CADM2: variants seen among roughly 807,000 people sequenced by gnomAD.
CADM2 encodes cell adhesion molecule 2, also known as immunoglobulin superfamily member 4D.
CADM2 carries 12 observed loss-of-function variants against 49.8 expected under a neutral mutation model. The ratio of observed to expected loss-of-function variants is 0.24; its 90% CI spans 0.15 to 0.39. The LOEUF (loss-of-function observed/expected upper bound fraction) is 0.39. CADM2 is among the 10% of genes least tolerant of loss of function. CADM2 has a pLI of 1.00. For missense variants in CADM2, 378 were observed against 492.3 expected (o/e 0.77, Z 2.20); for synonymous variants, 214 against 175.4 (o/e 1.22, Z -1.74).
At chr3:85,024,020 G>T (rs556846555) in intron 1 of CADM2, among the ~76,000 whole-genome samples, 254 of 152,084 alleles carry the variant, frequency 1.7e-3, no homozygotes, top group Middle Eastern at 6.8e-3. Context: ...TAGATATTGT[G>T]GGGGCTAAAT....
chr3:85,801,989 G>T, intron 2 of CADM2, 58 bp from the exon 3 acceptor site: 2 of 1,411,528 alleles, frequency 1.4e-6, no homozygotes, highest in South Asian at 1.4e-5. Flanking sequence ...GTAGATCTTA[G>T]GCAGTTAATC....
intron 1 of CADM2, among the ~76,000 whole-genome samples, chr3:85,723,719 A>G (rs1234576325): frequency 6.6e-6 from 1 of 152,132 alleles, no homozygotes. Flanking sequence ...ATCCACTGAT[A>G]AATGTAAAGA....
intron 1 of CADM2, among the ~76,000 whole-genome samples, chr3:85,010,776 A>G (rs1330021218): frequency 6.8e-6 from 1 of 148,120 alleles, no homozygotes; most frequent in Non-Finnish European, 1.5e-5. Context: ...ATATATTGTG[A>G]TAATAATTTG....
intron 1 of CADM2, among the ~76,000 whole-genome samples, chr3:85,656,035 C>G (rs1467415300): frequency 1.3e-5 from 2 of 152,028 alleles, no homozygotes; most frequent in South Asian, 4.1e-4. Flanking sequence ...ACTCCATTCC[C>G]TGTCACATCT....
At chr3:86,045,045 A>C (rs1578048489) in intron 8 of CADM2, among the ~76,000 whole-genome samples, 1 of 116,218 alleles carries the variant, frequency 8.6e-6, no homozygotes, top group Admixed American at 1.1e-4. Context: ...AACATAACAC[A>C]CGGGCCTGTC....
At chr3:85,066,042 T>C (rs1035071676) in intron 1 of CADM2, among the ~76,000 whole-genome samples, 1 of 152,092 alleles carries the variant, frequency 6.6e-6, no homozygotes, top group Admixed American at 6.6e-5. Flanking sequence ...GGGATGGTGC[T>C]AGACAGTAAA....
intron 1 of CADM2, among the ~76,000 whole-genome samples, chr3:85,184,984 A>G (rs2107711649): frequency 6.6e-6 from 1 of 152,262 alleles, no homozygotes; most frequent in South Asian, 2.1e-4. Context: ...AGACATAATC[A>G]GTACTTTGAA....
chr3:85,211,173 T>TTC (rs748292679), intron 1 of CADM2, among the ~76,000 whole-genome samples: 33 of 150,716 alleles, frequency 2.2e-4, no homozygotes, highest in African/African-American at 4.6e-4. Flanking sequence ...TTTGCATCTT[T>TTC]TCTCTCTCTC....
At chr3:85,532,953 A>C (rs1452129907) in intron 1 of CADM2, among the ~76,000 whole-genome samples, 2 of 152,290 alleles carry the variant, frequency 1.3e-5, no homozygotes, top group Non-Finnish European at 2.9e-5. Context: ...GAGCTAGATG[A>C]TGAGGAGTCA....
Position 85,771,793 on chromosome 3 carries a change from C to T in CADM2, c.89-30254C>T, listed in dbSNP as rs2070101847. ...AATGAAATATGTTTTTCTTCAAGTT[C>T]CATCTCTCTAGATGGCCGATCTATA... is the stretch of plus-strand genomic sequence containing the variant. On this transcript the variant is annotated intron_variant, in intron 2 of 9. Coordinates refer to ENST00000383699, the MANE Select transcript of CADM2 (RefSeq NM_001167675.2). 2.6e-5 allele frequency among the ~76,000 whole-genome samples: 4 copies of T among 152,086 alleles called. No individual in the cohort carries two copies. In the South Asian group the frequency reaches 8.3e-4, roughly 32 times the overall value.
chr3:85,004,165 T>C (rs894627390), intron 1 of CADM2, among the ~76,000 whole-genome samples: 1 of 152,176 alleles, frequency 6.6e-6, no homozygotes, highest in African/African-American at 2.4e-5. Flanking sequence ...AGCTGGCCAT[T>C]GTTTTTTATT....
chr3:85,951,811 ATGT>A (rs1577755681), intron 7 of CADM2, among the ~76,000 whole-genome samples: 1 of 151,056 alleles, frequency 6.6e-6, no homozygotes, highest in Non-Finnish European at 1.5e-5. Context: ...GCTTGCTTTG[ATGT>A]TGTGCTAAAG....
chr3:84,991,080 A>G (rs1479734939), intron 1 of CADM2, among the ~76,000 whole-genome samples: 1 of 152,104 alleles, frequency 6.6e-6, no homozygotes, highest in East Asian at 1.9e-4. Flanking sequence ...GATAATTTCC[A>G]GGATACCAGG....
At chr3:85,613,140 A>G (rs900759249) in intron 1 of CADM2, among the ~76,000 whole-genome samples, 3 of 151,822 alleles carry the variant, frequency 2.0e-5, no homozygotes, top group Non-Finnish European at 4.4e-5. Flanking sequence ...TTTCTAATGT[A>G]TGCAGACACA....
At chr3:85,916,345 C>T in intron 6 of CADM2, among the ~76,000 whole-genome samples, 1 of 136,302 alleles carries the variant, frequency 7.3e-6, no homozygotes, top group African/African-American at 2.7e-5. Context: ...CAACATGCCC[C>T]AGTGTGTGAT....
chr3:85,528,406 G>A lies in CADM2; in HGVS notation c.62-198116G>A, dbSNP rs909520557. Among the ~76,000 whole-genome samples, 3 of 152,182 alleles carry A rather than the reference G, an allele frequency of 2.0e-5. No homozygotes were observed. In the South Asian group the frequency reaches 6.2e-4, roughly 32 times the overall value. On this transcript the variant is annotated intron_variant, in intron 1 of 9. Transcript: ENST00000383699. ...TTAGTAACTATGACTTCAAAATGTG[G>A]AGTAAGCTTTCTGGGTTCAAATCCC...
chr3:85,769,505 A>AG (rs2069920916), intron 2 of CADM2, among the ~76,000 whole-genome samples: 1 of 67,512 alleles, frequency 1.5e-5, no homozygotes, highest in Admixed American at 2.0e-4. Flanking sequence ...ACATATATGT[A>AG]TATATACACG....
At chr3:85,076,741 G>C (rs1456928360) in intron 1 of CADM2, among the ~76,000 whole-genome samples, 1 of 151,850 alleles carries the variant, frequency 6.6e-6, no homozygotes, top group Non-Finnish European at 1.5e-5. Context: ...AGAGGTCGAG[G>C]TGTAAGAGTC....
intron 8 of CADM2, among the ~76,000 whole-genome samples, chr3:86,016,939 T>G (rs2106967699): frequency 6.6e-6 from 1 of 152,166 alleles, no homozygotes; most frequent in South Asian, 2.1e-4. Context: ...TTTAAAAATC[T>G]GAACTTTGAG....
Sources: gnomAD v4.1 joint callset for allele counts (sites outside exome capture counted in the v4.1 genomes callset) on GRCh38, gnomAD v4.1.1 for gene constraint, MANE v1.5 for transcripts, NCBI Gene and HGNC (gene_info 2026-07-23, HGNC 2026-07-21) for gene names.